Variants in HAUS6 observed in about 807,000 individuals in gnomAD.
HAUS6 encodes HAUS augmin-like complex subunit 6.
A neutral mutation model predicts 106.8 loss-of-function variants in HAUS6; 80 were observed. That is an observed-to-expected ratio of 0.75 (90% CI 0.63 to 0.90). The LOEUF (loss-of-function observed/expected upper bound fraction) is 0.90. Ranked by LOEUF, HAUS6 falls within the 40% of genes least tolerant of loss-of-function variation. HAUS6 has a pLI of 0.00. For missense variants in HAUS6, 1,155 were observed against 1,118.1 expected, an observed-to-expected ratio of 1.03 and a Z score of -0.47; for synonymous variants, 356 against 379.1, an observed-to-expected ratio of 0.94 and a Z score of 0.71.
At chr9:19,077,134 A>C (rs534720289) in intron 10 of HAUS6, among the ~76,000 whole-genome samples, 10 of 152,216 alleles carry the variant, frequency 6.6e-5, no homozygotes, top group Middle Eastern at 3.4e-3. Flanking sequence ...GTGAGCCACC[A>C]CGCCCAGCCC....
At chr9:19,097,683 T>G (rs963167096) in intron 1 of HAUS6, among the ~76,000 whole-genome samples, 10 of 152,106 alleles carry the variant, frequency 6.6e-5, no homozygotes, top group Admixed American at 1.3e-4. Context: ...ACTACTAGAT[T>G]TTTATTTCCA....
intron 9 of HAUS6, among the ~76,000 whole-genome samples, chr9:19,079,682 C>T (rs1837094430): frequency 6.6e-6 from 1 of 152,094 alleles, no homozygotes; most frequent in African/African-American, 2.4e-5. Context: ...GCAGGCGGAT[C>T]ACCTGAGGTC....
At chr9:19,095,297 T>C (rs150889936) in intron 2 of HAUS6, among the ~76,000 whole-genome samples, 8 of 152,278 alleles carry the variant, frequency 5.3e-5, no homozygotes, top group African/African-American at 1.9e-4. Context: ...AAATTTTTAT[T>C]CTGAGGCATA....
intron 1 of HAUS6, among the ~76,000 whole-genome samples, chr9:19,101,499 A>G (rs1302277990): frequency 4.0e-5 from 6 of 151,866 alleles, no homozygotes; most frequent in Admixed American, 3.9e-4. Flanking sequence ...TCTCAAAACA[A>G]AAAACAATGG....
rs369694201 is a variant in HAUS6 at position 19,063,636 on chromosome 9, C to G, written c.1377-56G>C. The G allele has an allele frequency of 3.6e-6, 4 of 1,107,882 alleles. No homozygotes were observed. The African/African-American group carries it at 6.1e-5, about 17-fold the overall frequency. 68.6% of individuals were successfully genotyped at this position (1,107,882 alleles called of 1,614,324 possible). ...TATAAGGAGAAAAGAATTCCATTCC[C>G]TTTACGAGTCTATTCTAAAATCTGT... On this transcript the variant is annotated intron_variant, in intron 12 of 16. Coordinates refer to ENST00000380502, the MANE Select transcript of HAUS6 (RefSeq NM_017645.5).
At chr9:19,068,326 A>G (rs1200347096) in intron 12 of HAUS6, among the ~76,000 whole-genome samples, 1 of 152,114 alleles carries the variant, frequency 6.6e-6, no homozygotes, top group Admixed American at 6.5e-5. Flanking sequence ...CAGATAGACT[A>G]AAATATGGTT....
intron 16 of HAUS6, 123 bp from the exon 17 acceptor site, chr9:19,056,527 T>G: frequency 3.2e-6 from 2 of 622,482 alleles, no homozygotes; most frequent in Non-Finnish European, 5.8e-6. Context: ...TACTTGATTA[T>G]GATAAAATTA....
intron 9 of HAUS6, among the ~76,000 whole-genome samples, chr9:19,078,655 G>A (rs956537206): frequency 1.3e-5 from 2 of 151,764 alleles, no homozygotes; most frequent in East Asian, 2.0e-4. Flanking sequence ...GGGCGTAGGG[G>A]TGGGTGCCTG....
chr9:19,090,185 C>G (rs1294557696), intron 4 of HAUS6, among the ~76,000 whole-genome samples: 1 of 151,654 alleles, frequency 6.6e-6, no homozygotes, highest in Non-Finnish European at 1.5e-5. Context: ...AGGCAGGCAA[C>G]TAAAAAAGAT....
At chr9:19,060,014 A>T in intron 15 of HAUS6, 74 bp downstream of exon 15, 1 of 1,195,788 alleles carries the variant, frequency 8.4e-7, no homozygotes, top group Non-Finnish European at 1.2e-6. Flanking sequence ...AGCTAAAAAG[A>T]TCTGTCAGGC....
At chr9:19,069,045 T>C (rs1836828910) in intron 12 of HAUS6, among the ~76,000 whole-genome samples, 1 of 151,994 alleles carries the variant, frequency 6.6e-6, no homozygotes, top group African/African-American at 2.4e-5. Context: ...CCACAATATA[T>C]AACATATATA....
At chr9:19,084,625 T>G (rs1837243893) in intron 7 of HAUS6, among the ~76,000 whole-genome samples, 1 of 147,722 alleles carries the variant, frequency 6.8e-6, no homozygotes, top group African/African-American at 2.5e-5. Flanking sequence ...GTTCACTTTT[T>G]TTCTTTTTTC....
At chr9:19,056,583 T>TG in intron 16 of HAUS6, 179 bp from the exon 17 acceptor site, 1 of 538,968 alleles carries the variant, frequency 1.9e-6, no homozygotes, top group South Asian at 2.7e-5. Flanking sequence ...GATCAATACA[T>TG]TCCTCCCAGA....
chr9:19,064,161 T>C (rs1836709028), intron 12 of HAUS6, among the ~76,000 whole-genome samples: 1 of 152,070 alleles, frequency 6.6e-6, no homozygotes, highest in African/African-American at 2.4e-5. Context: ...GAGATGGGCT[T>C]TCTCCATGTG....
At chr9:19,077,082 G>C (rs1358867850) in intron 10 of HAUS6, among the ~76,000 whole-genome samples, 1 of 151,944 alleles carries the variant, frequency 6.6e-6, no homozygotes, top group Non-Finnish European at 1.5e-5. Flanking sequence ...GGCCTCAAAT[G>C]ATCCTCCTGC....
rs1275210486 is a variant in HAUS6 at position 19,053,883 on chromosome 9, C to T, written c.*2460G>A. 2 of 151,966 alleles carry T rather than the reference C, an allele frequency of 1.3e-5. No individual in the cohort carries two copies. The highest frequency in any genetic ancestry group is 2.9e-5 in the Non-Finnish European group (2 of 67,972). The allele number at this position is 151,966 out of a possible 1,614,324, so 9.4% of individuals were successfully genotyped here. On this transcript the variant is annotated 3_prime_UTR_variant, in exon 17 of 17. Coordinates refer to ENST00000380502, the MANE Select transcript of HAUS6 (RefSeq NM_017645.5). The stretch of plus-strand genomic sequence containing the variant: ...AATACATACTCCCAACACACATTTA[C>T]ATAGGTGTATATGTATTTATGCATG...
chr9:19,076,008 T>C (rs918630399), intron 11 of HAUS6, among the ~76,000 whole-genome samples: 4 of 149,446 alleles, frequency 2.7e-5, no homozygotes. Flanking sequence ...TGCCAGGGAC[T>C]AGCGGGGAAA....
Position 19,060,106 on chromosome 9 carries a change from G to A in HAUS6, c.1747C>T (p.Arg583Cys), listed in dbSNP as rs144281526. ...NPFLTRNQIP[R>C]TPENLITEIR... is the part of the protein sequence containing the mutation. The stretch of plus-strand genomic sequence containing the variant: ...AACTTACTCAAGTTTTCTGGAGTAC[G>A]GGGAATCTGATTCCTTGTTAAGAAG... The change falls in exon 15 of 17, where the codon CGT becomes TGT. Residue 583 changes from arginine (R) to cysteine (C), a missense_variant. Physicochemically the swap from Arg to Cys is radical, Grantham distance 180. Transcript: ENST00000380502. The A allele has an allele frequency of 5.0e-5, 81 of 1,605,314 alleles. No homozygotes were observed. The highest frequency in any genetic ancestry group is 1.1e-4 in the East Asian group (5 of 44,798).
chr9:19,091,398 G>C (rs927059387), intron 4 of HAUS6, among the ~76,000 whole-genome samples: 13 of 152,030 alleles, frequency 8.6e-5, no homozygotes, highest in African/African-American at 1.2e-4. Flanking sequence ...ACGTTGACTG[G>C]AATTGGTTTA....
Sources: gnomAD v4.1 joint callset for allele counts (sites outside exome capture counted in the v4.1 genomes callset) on GRCh38, gnomAD v4.1.1 for gene constraint, MANE v1.5 for transcripts, NCBI Gene and HGNC (gene_info 2026-07-23, HGNC 2026-07-21) for gene names.